Variants in PPP1R17 observed in about 807,000 individuals in gnomAD.
The protein encoded by PPP1R17 is G-substrate.
PPP1R17 carries 12 observed loss-of-function variants against 15.9 expected under a neutral mutation model. The observed-to-expected ratio is 0.75, with a 90% CI of 0.48 to 1.22. PPP1R17 has a LOEUF of 1.22. Ranked by LOEUF, PPP1R17 falls within the 50% of genes most tolerant of loss-of-function variation. The probability of loss-of-function intolerance (pLI) is 0.00; values close to 1 mark genes in which losing one functional copy is unlikely to be tolerated. For synonymous variants in PPP1R17, 63 were observed against 64.5 expected (o/e 0.98, Z 0.11); for missense variants, 211 against 187.3 (o/e 1.13, Z -0.74).
chr7:31,696,494 T>A lies in PPP1R17; in HGVS notation c.236-471T>A, dbSNP rs78472553. ...AGAGTTACTCAATAATGGAGAAAAA[T>A]TTCACTGTAGCATAGAGGTGAGAAA... On this transcript the variant is annotated intron_variant, in intron 3 of 4. Transcript: ENST00000342032. Among the ~76,000 whole-genome samples the A allele has an allele frequency of 3.4e-3, 510 of 152,142 alleles. 5 individuals are homozygous for A. Among genetic ancestry groups the A allele is most frequent in the African/African-American group, 0.012 (484 of 41,484 alleles).
chr7:31,705,588 G>A (rs1793032003), intron 4 of PPP1R17, among the ~76,000 whole-genome samples: 2 of 152,166 alleles, frequency 1.3e-5, no homozygotes, highest in Non-Finnish European at 2.9e-5. Context: ...GAACAAACTA[G>A]GAACTGAAAC....
chr7:31,694,339 C>T (rs1055302073), intron 2 of PPP1R17, among the ~76,000 whole-genome samples: 2 of 150,530 alleles, frequency 1.3e-5, no homozygotes, highest in Non-Finnish European at 2.9e-5. Flanking sequence ...TCAACTGTAT[C>T]AGATGCTTTG....
chr7:31,697,397 G>A (rs1184576594), intron 4 of PPP1R17, among the ~76,000 whole-genome samples: 1 of 152,188 alleles, frequency 6.6e-6, no homozygotes, highest in African/African-American at 2.4e-5. Context: ...ATGTCAGTGG[G>A]TCCTTGAGAA....
intron 4 of PPP1R17, among the ~76,000 whole-genome samples, chr7:31,701,652 G>A (rs1252604849): frequency 1.3e-5 from 2 of 152,192 alleles, no homozygotes; most frequent in African/African-American, 2.4e-5. Flanking sequence ...TAAAGGAAGA[G>A]TCCATCAATG....
chr7:31,694,786 C>A (rs914225177), intron 2 of PPP1R17, among the ~76,000 whole-genome samples: 1 of 152,060 alleles, frequency 6.6e-6, no homozygotes, highest in Non-Finnish European at 1.5e-5. Context: ...GGATTCATTA[C>A]CCGTAACGAC....
intron 1 of PPP1R17, among the ~76,000 whole-genome samples, chr7:31,688,694 T>C (rs963615692): frequency 1.3e-5 from 2 of 152,242 alleles, no homozygotes; most frequent in Non-Finnish European, 2.9e-5. Flanking sequence ...AGAAAGGTTT[T>C]GTCCCTTGTG....
At position 31,707,243 on chromosome 7, in the gene PPP1R17, T is replaced by A; in HGVS notation, c.428T>A (p.Val143Glu). ...AGGGACGAGAGACCCAAAGCAATCG[T>A]GGAAGATGACGAAAAGGATGGTGAC... ...LLRDERPKAI[V>E]EDDEKDGDKI... The change falls in exon 5 of 5, where the codon GTG becomes GAG. Residue 143 changes from valine to glutamate, a missense_variant. By Grantham distance (121) the Val-to-Glu change is moderately radical (BLOSUM62 -2). Transcript: ENST00000342032. 1 of 1,614,072 alleles carries A rather than the reference T, an allele frequency of 6.2e-7. No individual in the cohort carries two copies. Among genetic ancestry groups the A allele is most frequent in the South Asian group, 1.1e-5 (1 of 91,070 alleles).
At chr7:31,689,610 GC>G (rs1212995892) in intron 1 of PPP1R17, among the ~76,000 whole-genome samples, 1 of 152,106 alleles carries the variant, frequency 6.6e-6, no homozygotes, top group East Asian at 1.9e-4. Context: ...CTCATAAAGA[GC>G]GCCCCTTCTC....
chr7:31,697,105 C>T lies in PPP1R17; in HGVS notation c.376C>T (p.Pro126Ser). 3 of 1,613,888 alleles carry T rather than the reference C, an allele frequency of 1.9e-6. No homozygotes were observed. Among genetic ancestry groups the T allele is most frequent in the Non-Finnish European group, 2.5e-6 (3 of 1,179,900 alleles). The change falls in exon 4 of 5, where the codon CCC becomes TCC. Residue 126 changes from proline to serine, a missense_variant. Coordinates refer to ENST00000342032, the MANE Select transcript of PPP1R17 (RefSeq NM_006658.5). ...AGACACACCTGCCCTGCACATGTCC[C>T]CCTTTGCAGCAGGTAAAAAAGCTGG... ...RKDTPALHMS[P>S]FAAGVTLLRD...
chr7:31,690,415 G>A (rs1017592522), intron 1 of PPP1R17, among the ~76,000 whole-genome samples: 2 of 152,226 alleles, frequency 1.3e-5, no homozygotes, highest in African/African-American at 4.8e-5. Flanking sequence ...AGGGACATAT[G>A]TTTCTGGGTG....
chr7:31,693,452 G>T (rs977271946), intron 2 of PPP1R17, among the ~76,000 whole-genome samples: 9 of 152,192 alleles, frequency 5.9e-5, no homozygotes, highest in African/African-American at 2.2e-4. Context: ...AAGATACATA[G>T]TCCCAAGAGG....
intron 2 of PPP1R17, among the ~76,000 whole-genome samples, chr7:31,692,886 T>C (rs1792417175): frequency 6.6e-6 from 1 of 152,218 alleles, no homozygotes; most frequent in African/African-American, 2.4e-5. Context: ...TTATACCCCA[T>C]GTGCAGTGCC....
chr7:31,703,493 T>C (rs1792940729), intron 4 of PPP1R17, among the ~76,000 whole-genome samples: 1 of 152,234 alleles, frequency 6.6e-6, no homozygotes, highest in African/African-American at 2.4e-5. Flanking sequence ...CATTATGGAA[T>C]TCCTTGAATC....
At chr7:31,696,935 G>T (rs1467877350) in intron 3 of PPP1R17, 30 bp from the exon 4 acceptor site, 1 of 1,609,178 alleles carries the variant, frequency 6.2e-7, no homozygotes, top group Non-Finnish European at 8.5e-7. Flanking sequence ...ATTTGATCCT[G>T]TTTCTCTCTG....
intron 1 of PPP1R17, among the ~76,000 whole-genome samples, chr7:31,689,121 T>C (rs1792228116): frequency 6.6e-6 from 1 of 152,202 alleles, no homozygotes; most frequent in African/African-American, 2.4e-5. Context: ...CCACAGCACG[T>C]TTGACTCCAG....
intron 3 of PPP1R17, 128 bp downstream of exon 3, chr7:31,695,749 T>C: frequency 1.1e-6 from 1 of 873,552 alleles, no homozygotes; most frequent in South Asian, 1.9e-5. Flanking sequence ...CACCTCTGTA[T>C]CTCTGTATTA....
At chr7:31,702,018 T>A (rs887629372) in intron 4 of PPP1R17, among the ~76,000 whole-genome samples, 1 of 152,142 alleles carries the variant, frequency 6.6e-6, no homozygotes, top group African/African-American at 2.4e-5. Context: ...GTAATAAAAT[T>A]TTTTAGAAGT....
chr7:31,693,841 G>A (rs1792458193), intron 2 of PPP1R17, among the ~76,000 whole-genome samples: 1 of 152,206 alleles, frequency 6.6e-6, no homozygotes, highest in African/African-American at 2.4e-5. Flanking sequence ...AGAAGGAAAT[G>A]AAAGGGAAGG....
chr7:31,689,832 T>C (rs899000074), intron 1 of PPP1R17, among the ~76,000 whole-genome samples: 1 of 152,240 alleles, frequency 6.6e-6, no homozygotes, highest in African/African-American at 2.4e-5. Context: ...AACACATCCC[T>C]GCACGGCATG....
Sources: gnomAD v4.1 joint callset for allele counts (sites outside exome capture counted in the v4.1 genomes callset) on GRCh38, gnomAD v4.1.1 for gene constraint, MANE v1.5 for transcripts, NCBI Gene and HGNC (gene_info 2026-07-23, HGNC 2026-07-21) for gene names.